PHF2: variants seen among roughly 807,000 people sequenced by gnomAD.
PHF2 encodes the protein lysine-specific demethylase PHF2.
PHF2 carries 27 observed loss-of-function variants against 120.5 expected under a neutral mutation model. That is an observed-to-expected ratio of 0.22 (90% CI 0.17 to 0.31). PHF2 has a LOEUF of 0.31. Among genes scored for constraint, PHF2 ranks in the 10% least tolerant of loss-of-function variants. The pLI is 1.00. For missense variants in PHF2, 1,024 were observed against 1,434.8 expected, an observed-to-expected ratio of 0.71 and a Z score of 4.63; for synonymous variants, 568 against 592.5, an observed-to-expected ratio of 0.96 and a Z score of 0.60.
At chr9:93,579,087 G>A (rs545516275) in intron 1 of PHF2, among the ~76,000 whole-genome samples, 1 of 152,184 alleles carries the variant, frequency 6.6e-6, no homozygotes, top group African/African-American at 2.4e-5. Context: ...TCAGGGGTTG[G>A]TGGTGTTGGT....
rs1178680275 is a variant in PHF2, at chr9:93,679,249, T to C, written c.*1573T>C. The C allele has an allele frequency of 2.2e-6, 1 of 456,144 alleles. No individual in the cohort carries two copies. The highest frequency in any genetic ancestry group is 3.7e-4 in the Middle Eastern group (1 of 2,676). The allele number at this position is 456,144 out of a possible 1,614,324, so 28.3% of individuals were successfully genotyped here. On this transcript the variant is annotated 3_prime_UTR_variant, in exon 22 of 22. Coordinates refer to ENST00000359246, the MANE Select transcript of PHF2 (RefSeq NM_005392.4). ...CTTATCCACTCCCACTTGTCCTGTTTGGAGGGACGCAGTCCCTAGGGCCCG... is the reference window on the plus strand; with the variant it reads ...CTTATCCACTCCCACTTGTCCTGTTCGGAGGGACGCAGTCCCTAGGGCCCG...
At chr9:93,648,435 C>G (rs1158633182) in intron 4 of PHF2, among the ~76,000 whole-genome samples, 1 of 152,234 alleles carries the variant, frequency 6.6e-6, no homozygotes, top group Non-Finnish European at 1.5e-5. Flanking sequence ...GCCCCGGCAT[C>G]CACCTCATCT....
chr9:93,675,123 T>G, intron 19 of PHF2, 101 bp downstream of exon 19: 1 of 937,444 alleles, frequency 1.1e-6, no homozygotes, highest in Non-Finnish European at 1.7e-6. Flanking sequence ...GGCTCAGCTC[T>G]GCACCTGTCC....
chr9:93,630,055 T>C lies in PHF2; in HGVS notation c.184T>C (p.Leu62=), dbSNP rs752795888. The part of the protein sequence containing the change: ...NCEKTHGKST[L]KKKRTWHKHG... ...TGAGAAAACCCATGGGAAGTCCACC[T>C]GTAAGTACCGCAGCCCAAGCGGCCA... The change falls in exon 2 of 22, where the codon TTA becomes CTA. Residue 62 remains leucine, a splice_region_variant and synonymous_variant. Transcript: ENST00000359246. 6.2e-7 allele frequency: 1 copy of C among 1,612,782 alleles called. No homozygotes were observed. Among genetic ancestry groups the C allele is most frequent in the Admixed American group, 1.7e-5 (1 of 60,024 alleles).
chr9:93,607,683 C>G (rs1164135018), intron 1 of PHF2, among the ~76,000 whole-genome samples: 1 of 152,032 alleles, frequency 6.6e-6, no homozygotes, highest in Non-Finnish European at 1.5e-5. Flanking sequence ...TGGAATATCT[C>G]TCCATTTATT....
intron 1 of PHF2, among the ~76,000 whole-genome samples, chr9:93,589,857 A>G (rs1863136534): frequency 6.6e-6 from 1 of 152,124 alleles, no homozygotes; most frequent in East Asian, 1.9e-4. Flanking sequence ...CTCTCCACAC[A>G]AACAGCAGTG....
chr9:93,612,270 C>T (rs772891236), intron 1 of PHF2, among the ~76,000 whole-genome samples: 39 of 152,280 alleles, frequency 2.6e-4, no homozygotes, highest in Non-Finnish European at 3.7e-4. Context: ...GGACATGTAA[C>T]AGGTGTCTGT....
chr9:93,666,112 C>T (rs1219354039), intron 16 of PHF2, 52 bp downstream of exon 16: 2 of 1,575,968 alleles, frequency 1.3e-6, no homozygotes, highest in Non-Finnish European at 1.7e-6. Flanking sequence ...TCTGGGCAGT[C>T]CCCAAGGCCA....
intron 1 of PHF2, among the ~76,000 whole-genome samples, chr9:93,583,735 G>A (rs373456083): frequency 6.6e-6 from 1 of 151,712 alleles, no homozygotes; most frequent in East Asian, 1.9e-4. Context: ...CAAGGCCTTT[G>A]CCCACTTTTA....
rs1318494993 is a variant in PHF2, at chr9:93,672,862, A to G, written c.2349-723A>G. 1.7e-5 allele frequency: 16 copies of G among 964,378 alleles called. No individual in the cohort carries two copies. The South Asian group carries it at 6.3e-4, about 38-fold the overall frequency. 59.7% of individuals were successfully genotyped at this position (964,378 alleles called of 1,614,324 possible). A position where few individuals can be genotyped will look rare whatever the true frequency, so the allele number is the denominator to read the frequency against. ...TAGATGCAGGTGCAGGGGTGGAGGTAGGTACAGGTGTAGATGCAGGTGTGG... is the reference window on the plus strand; with the variant it reads ...TAGATGCAGGTGCAGGGGTGGAGGTGGGTACAGGTGTAGATGCAGGTGTGG... On this transcript the variant is annotated intron_variant, in intron 17 of 21. Coordinates refer to ENST00000359246, the MANE Select transcript of PHF2 (RefSeq NM_005392.4).
intron 1 of PHF2, among the ~76,000 whole-genome samples, chr9:93,610,755 C>T (rs1825620446): frequency 6.6e-6 from 1 of 152,162 alleles, no homozygotes; most frequent in Admixed American, 6.5e-5. Flanking sequence ...TCTGTATATG[C>T]TTGCCCCCCT....
intron 1 of PHF2, among the ~76,000 whole-genome samples, chr9:93,591,818 CCAGTGCCCCA>C (rs1825230568): frequency 1.3e-5 from 2 of 152,178 alleles, no homozygotes; most frequent in Non-Finnish European, 2.9e-5. Flanking sequence ...TGTCAAGAGC[CCAGTGCCCCA>C]CAGGGACCTC....
At chr9:93,625,248 A>T (rs1200483572) in intron 1 of PHF2, among the ~76,000 whole-genome samples, 1 of 152,206 alleles carries the variant, frequency 6.6e-6, no homozygotes, top group Non-Finnish European at 1.5e-5. Flanking sequence ...CTCATGTGTC[A>T]TGCTTCTTTC....
intron 1 of PHF2, among the ~76,000 whole-genome samples, chr9:93,614,429 C>G (rs1825688056): frequency 6.6e-6 from 1 of 152,210 alleles, no homozygotes. Context: ...TCTGTTCCCT[C>G]TGGCTGCCCC....
chr9:93,603,068 CT>C (rs1237187010), intron 1 of PHF2, among the ~76,000 whole-genome samples: 1 of 152,186 alleles, frequency 6.6e-6, no homozygotes, highest in Non-Finnish European at 1.5e-5. Context: ...CAGGTCTGCC[CT>C]TTCCTCTCAG....
At chr9:93,664,345 G>C (rs1255049933) in intron 14 of PHF2, among the ~76,000 whole-genome samples, 1 of 152,044 alleles carries the variant, frequency 6.6e-6, no homozygotes, top group Admixed American at 6.5e-5. Context: ...GCGGAGGGCT[G>C]TGAGCCCGGT....
At chr9:93,645,926 A>G (rs1826250931) in intron 4 of PHF2, 137 bp downstream of exon 4, 2 of 982,960 alleles carry the variant, frequency 2.0e-6, no homozygotes, top group Admixed American at 3.3e-5. Context: ...GGCTCACCGT[A>G]CTCTGTTCCC....
chr9:93,662,547 GAT>G (rs1467815530), intron 12 of PHF2, among the ~76,000 whole-genome samples: 9 of 149,760 alleles, frequency 6.0e-5, no homozygotes, highest in Admixed American at 6.6e-5. Flanking sequence ...TGGATGGATG[GAT>G]GGATGGATGG....
intron 19 of PHF2, among the ~76,000 whole-genome samples, chr9:93,675,386 C>T (rs1365535546): frequency 6.6e-6 from 1 of 152,268 alleles, no homozygotes; most frequent in African/African-American, 2.4e-5. Flanking sequence ...CTGGGGCAGC[C>T]AGTGGGGTGA....
Sources: allele counts gnomAD v4.1 joint callset (sites outside exome capture counted in the v4.1 genomes callset), GRCh38; gene constraint gnomAD v4.1.1; transcripts MANE v1.5; gene names NCBI Gene and HGNC (gene_info 2026-07-23, HGNC 2026-07-21).